The following GSE1 variants were observed in gnomAD, a reference collection of about 807,000 sequenced individuals.
The protein encoded by GSE1 is genetic suppressor element 1.
A neutral mutation model predicts 112.6 loss-of-function variants in GSE1; 32 were observed. The ratio of observed to expected loss-of-function variants is 0.28; its 90% confidence interval spans 0.21 to 0.38. The LOEUF (loss-of-function observed/expected upper bound fraction) is 0.38, where lower values mean the gene tolerates loss of function less well. Ranked by LOEUF, GSE1 falls within the 10% of genes least tolerant of loss-of-function variation. The probability of loss-of-function intolerance (pLI) is 1.00; values close to 1 mark genes in which losing one functional copy is unlikely to be tolerated. For synonymous variants in GSE1, 1,115 were observed against 735.6 expected (o/e 1.52, Z -8.35); for missense variants, 2,348 against 1,699.2 (o/e 1.38, Z -6.71).
At chr16:85,354,395 T>C (rs1415678121) in intron 1 of GSE1, among the ~76,000 whole-genome samples, 1 of 152,266 alleles carries the variant, frequency 6.6e-6, no homozygotes, top group Non-Finnish European at 1.5e-5. Context: ...AAGCCCTAGA[T>C]CAGTGCCTGG....
chr16:85,572,336 A>G (rs1026850501), intron 1 of GSE1, among the ~76,000 whole-genome samples: 3 of 144,108 alleles, frequency 2.1e-5, no homozygotes, highest in South Asian at 4.5e-4. Context: ...CACACACCAC[A>G]TACCCCTCCA....
At chr16:85,619,251 C>G (rs1379472776) in intron 1 of GSE1, among the ~76,000 whole-genome samples, 1 of 152,242 alleles carries the variant, frequency 6.6e-6, no homozygotes, top group African/African-American at 2.4e-5. Flanking sequence ...TGTCCCTCCC[C>G]CAGCCCTGCC....
chr16:85,617,612 G>C (rs1423425795), intron 1 of GSE1, among the ~76,000 whole-genome samples: 1 of 43,848 alleles, frequency 2.3e-5, no homozygotes, highest in African/African-American at 7.5e-5. Flanking sequence ...CCCCCCCCCC[G>C]TTAACTGCCA....
chr16:85,226,805 G>T (rs907354947), intron 1 of GSE1, among the ~76,000 whole-genome samples: 1 of 139,082 alleles, frequency 7.2e-6, no homozygotes, highest in African/African-American at 2.6e-5. Flanking sequence ...GTGTGTGTGT[G>T]TGTGTGTGTG....
rs551708651 is a variant in GSE1, at chr16:85,665,827, C to T, written c.2759-149C>T. ...ACTGTCTTCAGAGAATAGCCATGTG[C>T]GCGGCGGTTACTTAAATGTTCCCCG... On this transcript the variant is annotated intron_variant, in intron 12 of 15. Transcript: ENST00000253458. The T allele has an allele frequency of 4.0e-4, 270 of 682,240 alleles. 1 individual carries two copies. In the Middle Eastern group the frequency reaches 6.4e-3, roughly 16 times the overall value. The allele number at this position is 682,240 out of a possible 1,614,324, so 42.3% of individuals were successfully genotyped here.
intron 2 of GSE1, among the ~76,000 whole-genome samples, chr16:85,399,094 G>A (rs1597602365): frequency 6.6e-6 from 1 of 152,204 alleles, no homozygotes; most frequent in African/African-American, 2.4e-5. Flanking sequence ...TGTATGTGGT[G>A]TGTACATGTG....
chr16:85,560,412 C>T (rs979315541), intron 1 of GSE1, among the ~76,000 whole-genome samples: 8 of 152,090 alleles, frequency 5.3e-5, no homozygotes, highest in East Asian at 1.9e-4. Flanking sequence ...TGTGAGCCAC[C>T]GCACCTGGCC....
chr16:85,274,741 C>T (rs1240230289), intron 1 of GSE1, among the ~76,000 whole-genome samples: 1 of 152,248 alleles, frequency 6.6e-6, no homozygotes, highest in South Asian at 2.1e-4. Flanking sequence ...CCAGGCTGAC[C>T]ACTGAGGCTG....
At chr16:85,265,028 C>G (rs952620688) in intron 1 of GSE1, among the ~76,000 whole-genome samples, 10 of 152,174 alleles carry the variant, frequency 6.6e-5, no homozygotes, top group Non-Finnish European at 1.5e-4. Context: ...GCAGGCACCA[C>G]TGTGACACCC....
intron 2 of GSE1, among the ~76,000 whole-genome samples, chr16:85,424,975 A>G (rs370190320): frequency 2.6e-5 from 4 of 152,380 alleles, no homozygotes; most frequent in East Asian, 1.9e-4. Context: ...TCTGCCTCCC[A>G]TGCCAGGCAG....
Position 85,312,764 on chromosome 16 carries a change from A to AAGGAGAGGAGG in GSE1, c.2284-44685_2284-44675dup, listed in dbSNP as rs1405545468. On this transcript the variant is annotated intron_variant, in intron 1 of 2. Transcript: ENST00000637419. ...GACGAGGAGGAGAAGGAGGGGGAGGAAGGAGAGGAGGAGGAGAGGAGGAGC... is the reference window on the plus strand; with the variant it reads ...GACGAGGAGGAGAAGGAGGGGGAGGAAGGAGAGGAGGAGGAGAGGAGGAGGAGAGGAGGAGC... Among the ~76,000 whole-genome samples, 5 of 150,290 alleles carry AAGGAGAGGAGG rather than the reference A, an allele frequency of 3.3e-5. No homozygotes were observed. In the East Asian group the frequency reaches 5.9e-4, roughly 18 times the overall value.
At chr16:85,599,656 G>A (rs1426269577) in intron 1 of GSE1, among the ~76,000 whole-genome samples, 1 of 152,220 alleles carries the variant, frequency 6.6e-6, no homozygotes, top group Non-Finnish European at 1.5e-5. Flanking sequence ...CCAGAAATGG[G>A]CTGAGGCAGT....
intron 1 of GSE1, among the ~76,000 whole-genome samples, chr16:85,569,056 C>A (rs2045875072): frequency 6.6e-6 from 1 of 152,172 alleles, no homozygotes; most frequent in Non-Finnish European, 1.5e-5. Context: ...TGCAACGGAG[C>A]CTCCTCCCAA....
intron 1 of GSE1, among the ~76,000 whole-genome samples, chr16:85,626,650 C>T (rs1042099354): frequency 6.6e-6 from 1 of 152,302 alleles, no homozygotes; most frequent in African/African-American, 2.4e-5. Flanking sequence ...GTGCTTGAAC[C>T]GGGACCCAGC....
intron 1 of GSE1, among the ~76,000 whole-genome samples, chr16:85,614,031 C>G (rs1312110904): frequency 6.6e-6 from 1 of 151,648 alleles, no homozygotes; most frequent in African/African-American, 2.4e-5. Context: ...GCCCCGGGCT[C>G]GGCCGCTTCT....
intron 1 of GSE1, among the ~76,000 whole-genome samples, chr16:85,302,345 G>T (rs11641362): frequency 0.29 from 43,478 of 151,916 alleles, 7,494 homozygotes; most frequent in East Asian, 0.45. Flanking sequence ...GACCTTAGCA[G>T]AATTCAATGA....
At chr16:85,341,202 T>TTC (rs1305918851) in intron 1 of GSE1, among the ~76,000 whole-genome samples, 1 of 152,104 alleles carries the variant, frequency 6.6e-6, no homozygotes, top group East Asian at 1.9e-4. Context: ...TGTTTACTTT[T>TTC]TTTTTTTAAA....
intron 1 of GSE1, among the ~76,000 whole-genome samples, chr16:85,331,661 ATGTG>A (rs1159802556): frequency 0.14 from 11,797 of 84,724 alleles, 1,642 homozygotes; most frequent in African/African-American, 0.17. Context: ...ATATGTGTAT[ATGTG>A]TGTGTGTGTG....
At chr16:85,665,237 A>T in intron 12 of GSE1, 109 bp downstream of exon 12, 1 of 651,228 alleles carries the variant, frequency 1.5e-6, no homozygotes. Context: ...GGCCTCCTGC[A>T]GGCTGTCTTC....
Sources: allele counts gnomAD v4.1 joint callset (sites outside exome capture counted in the v4.1 genomes callset), GRCh38; gene constraint gnomAD v4.1.1; transcripts MANE v1.5; gene names NCBI Gene and HGNC (gene_info 2026-07-23, HGNC 2026-07-21).